The following CFAP126 variants were observed in gnomAD, a reference collection of about 807,000 sequenced individuals.
CFAP126 encodes the protein cilia and flagella associated protein 126, also known as protein Flattop.
A neutral mutation model predicts 17.1 loss-of-function variants in CFAP126; 21 were observed. The ratio of observed to expected loss-of-function variants is 1.23; its 90% confidence interval spans 0.87 to 1.77. The LOEUF (loss-of-function observed/expected upper bound fraction) is 1.77, where lower values mean the gene tolerates loss of function less well. Among genes scored for constraint, CFAP126 ranks in the 40% most tolerant of loss-of-function variants. The pLI is 0.00. For missense variants in CFAP126, 174 were observed against 215.4 expected (o/e 0.81, Z 1.20); for synonymous variants, 65 against 73.5 (o/e 0.88, Z 0.59).
chr1:161,365,373 G>A (rs780904784), intron 4 of CFAP126, 153 bp downstream of exon 4: 31 of 989,490 alleles, frequency 3.1e-5, no homozygotes, highest in Non-Finnish European at 4.5e-5. Context: ...CATCCCTTCA[G>A]GCCTCAGAAG....
chr1:161,366,431 T>C lies in CFAP126; in HGVS notation c.90+8A>G, dbSNP rs779162196. Reference sequence around the variant, plus strand: ...GGCTATCTTGTAGGTGCACTGAACATGGAATACCTCTTTTGTTGGCTTAGT... The same window carrying C: ...GGCTATCTTGTAGGTGCACTGAACACGGAATACCTCTTTTGTTGGCTTAGT... On this transcript the variant is annotated splice_region_variant and intron_variant, in intron 2 of 4. Transcript: ENST00000367974. 6.2e-7 allele frequency: 1 copy of C among 1,613,060 alleles called. No individual in the cohort carries two copies. The highest frequency in any genetic ancestry group is 8.5e-7 in the Non-Finnish European group (1 of 1,179,000).
In CFAP126 at chr1:161,365,117, T is replaced by C. The variant is rs2102392108; in HGVS notation, c.382A>G (p.Lys128Glu). The C allele has an allele frequency of 6.2e-7, 1 of 1,614,168 alleles. No individual in the cohort carries two copies. Among genetic ancestry groups the C allele is most frequent in the South Asian group, 1.1e-5 (1 of 91,076 alleles). The change falls in exon 5 of 5, where the codon AAG (lysine) becomes GAG (glutamate). Residue 128 changes from lysine to glutamate, a missense_variant. Physicochemically the swap from Lys to Glu is moderately conservative, Grantham distance 56. Coordinates refer to ENST00000367974, the MANE Select transcript of CFAP126 (RefSeq NM_001013625.4). ...HDPDSQKKLR[K>E]KSITKTVQQA... ...TGTACAGTCTTTGTGATAGACTTCT[T>C]TCTGAGTTTCTTCTGACTGTCTGGA...
intron 1 of CFAP126, 135 bp downstream of exon 1, chr1:161,367,707 T>C: frequency 1.2e-6 from 1 of 849,364 alleles, no homozygotes; most frequent in Non-Finnish European, 1.9e-6. Context: ...TCTCTATCCC[T>C]GAGGAGGTAA....
chr1:161,365,767 ATTAT>A, intron 3 of CFAP126, 65 bp from the exon 4 acceptor site: 3 of 1,371,060 alleles, frequency 2.2e-6, no homozygotes, highest in Non-Finnish European at 2.0e-6. Context: ...AGACCTCTGT[ATTAT>A]TTCCTTTCTT....
intron 1 of CFAP126, chr1:161,366,735 G>T: frequency 1.9e-6 from 1 of 531,706 alleles, no homozygotes; most frequent in Non-Finnish European, 3.3e-6. Flanking sequence ...AAATTGAGGT[G>T]CTTTGTAAAT....
chr1:161,366,365 T>A, intron 2 of CFAP126, 74 bp downstream of exon 2: 1 of 1,570,838 alleles, frequency 6.4e-7, no homozygotes, highest in Non-Finnish European at 8.8e-7. Flanking sequence ...TATGGGAGTT[T>A]AGAGAATGCT....
In CFAP126 at chr1:161,365,615, C is replaced by T. The variant is rs770829837; in HGVS notation, c.259G>A (p.Ala87Thr). 1 of 1,614,112 alleles carries T rather than the reference C, an allele frequency of 6.2e-7. No homozygotes were observed. The change falls in exon 4 of 5, where the codon GCT becomes ACT. Residue 87 changes from alanine (A) to threonine (T), a missense_variant. Transcript: ENST00000367974. ...ARVTLTSRTT[A>T]GAASLTKWIQ... ...CATTTGGTGAGGGAGGCAGCACCAGCAGTTGTACGGGAGGTCAGGGTCACC... is the reference window on the plus strand; with the variant it reads ...CATTTGGTGAGGGAGGCAGCACCAGTAGTTGTACGGGAGGTCAGGGTCACC...
intron 2 of CFAP126, 74 bp from the exon 3 acceptor site, chr1:161,366,352 G>C (rs2102394189): frequency 1.3e-6 from 2 of 1,566,814 alleles, no homozygotes; most frequent in Non-Finnish European, 8.8e-7. Flanking sequence ...GGTCAGAGAA[G>C]GATATGGGAG....
chr1:161,367,390 C>G (rs1448871315), intron 1 of CFAP126: 2 of 155,532 alleles, frequency 1.3e-5, no homozygotes, highest in African/African-American at 4.8e-5. Flanking sequence ...ACAATTGATT[C>G]AGTCAAATGG....
intron 4 of CFAP126, 88 bp downstream of exon 4, chr1:161,365,438 G>A: frequency 6.8e-7 from 1 of 1,474,380 alleles, no homozygotes; most frequent in Non-Finnish European, 9.4e-7. Context: ...CCCATGCTGG[G>A]ATAGTGGTGG....
In CFAP126 at chr1:161,364,890, G is replaced by T; in HGVS notation, c.*75C>A. ...GCCACTTGGTCCATATGAAGTTCCA[G>T]GTTTGTATTTCTGGACCTCAGCTAG... On this transcript the variant is annotated 3_prime_UTR_variant, in exon 5 of 5. Transcript: ENST00000367974. The T allele has an allele frequency of 7.0e-7, 1 of 1,418,746 alleles. No homozygotes were observed. Among genetic ancestry groups the T allele is most frequent in the South Asian group, 1.2e-5 (1 of 81,920 alleles). The allele number at this position is 1,418,746 out of a possible 1,614,324, so 87.9% of individuals were successfully genotyped here.
Position 161,364,916 on chromosome 1 carries a change from A to G in CFAP126, c.*49T>C, listed in dbSNP as rs1672673102. On this transcript the variant is annotated 3_prime_UTR_variant, in exon 5 of 5. Transcript: ENST00000367974. Reference sequence around the variant, plus strand: ...GTTTGTATTTCTGGACCTCAGCTAGATTAGGCCCTGCCCAGAGTTCTAGCA... The same window carrying G: ...GTTTGTATTTCTGGACCTCAGCTAGGTTAGGCCCTGCCCAGAGTTCTAGCA... 2 of 1,564,014 alleles carry G rather than the reference A, an allele frequency of 1.3e-6. No individual in the cohort carries two copies. Among genetic ancestry groups the G allele is most frequent in the Non-Finnish European group, 1.8e-6 (2 of 1,138,554 alleles).
chr1:161,366,068 G>T, intron 3 of CFAP126, 130 bp downstream of exon 3: 1 of 801,492 alleles, frequency 1.2e-6, no homozygotes, highest in Non-Finnish European at 2.1e-6. Flanking sequence ...AAGTTCAGGG[G>T]CTCTCACATT....
intron 3 of CFAP126, 124 bp downstream of exon 3, chr1:161,366,074 A>G (rs1672718761): frequency 2.4e-6 from 2 of 847,222 alleles, no homozygotes; most frequent in Admixed American, 4.1e-5. Flanking sequence ...AGGGGCTCTC[A>G]CATTACAACA....
intron 1 of CFAP126, chr1:161,366,876 C>T (rs1034091092): frequency 1.8e-4 from 41 of 223,744 alleles, no homozygotes; most frequent in Non-Finnish European, 7.2e-5. Flanking sequence ...TGGGTTCAAG[C>T]GATCCTCCTC....
chr1:161,367,585 T>C (rs1029994434), intron 1 of CFAP126: 4 of 397,034 alleles, frequency 1.0e-5, no homozygotes, highest in Non-Finnish European at 1.8e-5. Context: ...CCACTTGGCC[T>C]GCAAAGCCTA....
chr1:161,367,682 A>C, intron 1 of CFAP126, 160 bp downstream of exon 1: 1 of 592,994 alleles, frequency 1.7e-6, no homozygotes, highest in Non-Finnish European at 2.9e-6. Flanking sequence ...ATACCTTTGG[A>C]TCGCCCCTGG....
chr1:161,367,876 T>G lies in CFAP126; in HGVS notation c.-8A>C. The G allele has an allele frequency of 6.2e-7, 1 of 1,613,104 alleles. No homozygotes were observed. The highest frequency in any genetic ancestry group is 8.5e-7 in the Non-Finnish European group (1 of 1,179,876). ...ACTGTAGTTAGTGGCCATGATCTTG[T>G]GCTGTTTACACTCGTTGCTTGGCAA... On this transcript the variant is annotated 5_prime_UTR_variant, in exon 1 of 5. Coordinates refer to ENST00000367974, the MANE Select transcript of CFAP126 (RefSeq NM_001013625.4).
At chr1:161,366,392 C>T (rs772837168) in intron 2 of CFAP126, 47 bp downstream of exon 2, 1 of 1,588,372 alleles carries the variant, frequency 6.3e-7, no homozygotes, top group South Asian at 1.1e-5. Flanking sequence ...AGTTAATTGA[C>T]AGGGAGAGCA....
Sources: gnomAD v4.1 joint callset for allele counts on GRCh38, gnomAD v4.1.1 for gene constraint, MANE v1.5 for transcripts, NCBI Gene and HGNC (gene_info 2026-07-23, HGNC 2026-07-21) for gene names.